PLEKHM3: variants seen among roughly 807,000 people sequenced by gnomAD.
PLEKHM3 encodes the protein pleckstrin homology domain-containing family M member 3.
In PLEKHM3, 45 loss-of-function variants were observed where a neutral mutation model predicts 81.8. The observed-to-expected ratio is 0.55, with a 90% confidence interval of 0.43 to 0.71. The LOEUF (loss-of-function observed/expected upper bound fraction) is 0.71. Ranked by LOEUF, PLEKHM3 falls within the 30% of genes least tolerant of loss-of-function variation. The probability of loss-of-function intolerance (pLI) is 0.00; values close to 1 mark genes in which losing one functional copy is unlikely to be tolerated. For missense variants in PLEKHM3, 788 were observed against 924.3 expected, an observed-to-expected ratio of 0.85 and a Z score of 1.91; for synonymous variants, 352 against 356.4, an observed-to-expected ratio of 0.99 and a Z score of 0.14.
intron 4 of PLEKHM3, among the ~76,000 whole-genome samples, chr2:207,936,546 G>A (rs956027728): frequency 6.6e-6 from 1 of 152,098 alleles, no homozygotes; most frequent in African/African-American, 2.4e-5. Context: ...GAGGCAGCAT[G>A]GATACAACAT....
chr2:207,860,719 C>A (rs966418670), intron 7 of PLEKHM3, among the ~76,000 whole-genome samples: 2 of 152,136 alleles, frequency 1.3e-5, no homozygotes, highest in African/African-American at 4.8e-5. Context: ...TAGTTTTACC[C>A]CTGGCGGTCG....
intron 6 of PLEKHM3, among the ~76,000 whole-genome samples, chr2:207,879,271 C>T (rs2092574702): frequency 6.6e-6 from 1 of 152,202 alleles, no homozygotes; most frequent in South Asian, 2.1e-4. Context: ...ATTCTTTCTC[C>T]TCTATGCGAA....
chr2:207,923,851 G>GCACACA (rs1559238663), intron 5 of PLEKHM3, among the ~76,000 whole-genome samples: 2 of 36,792 alleles, frequency 5.4e-5, no homozygotes, highest in South Asian at 1.4e-3. Flanking sequence ...ACATACACAC[G>GCACACA]CACGCACACA....
intron 1 of PLEKHM3, among the ~76,000 whole-genome samples, chr2:208,007,271 C>A (rs1349673518): frequency 2.0e-5 from 3 of 152,214 alleles, no homozygotes; most frequent in Non-Finnish European, 4.4e-5. Context: ...GCGTTCACAT[C>A]ACCTTGGTTG....
At chr2:207,941,319 TC>T (rs1042457315) in intron 4 of PLEKHM3, among the ~76,000 whole-genome samples, 3 of 151,932 alleles carry the variant, frequency 2.0e-5, no homozygotes, top group Non-Finnish European at 4.4e-5. Flanking sequence ...CAGAAATAAA[TC>T]CATGCATTTA....
At chr2:207,832,286 A>C (rs1369050518) in intron 7 of PLEKHM3, among the ~76,000 whole-genome samples, 3 of 152,214 alleles carry the variant, frequency 2.0e-5, no homozygotes, top group Non-Finnish European at 4.4e-5. Flanking sequence ...CCAAATTCCA[A>C]GAATCTATAG....
chr2:207,886,561 T>A (rs1243177919), intron 6 of PLEKHM3, among the ~76,000 whole-genome samples: 1 of 152,172 alleles, frequency 6.6e-6, no homozygotes, highest in Non-Finnish European at 1.5e-5. Flanking sequence ...GAAGCCAGTA[T>A]CCCTTGCCAT....
intron 1 of PLEKHM3, among the ~76,000 whole-genome samples, chr2:208,007,826 C>T (rs1278752103): frequency 6.6e-5 from 10 of 152,062 alleles, no homozygotes; most frequent in African/African-American, 1.9e-4. Context: ...GAGGCCAAGG[C>T]GGGTGGATCA....
At chr2:207,844,460 G>A (rs1347614429) in intron 7 of PLEKHM3, among the ~76,000 whole-genome samples, 1 of 133,682 alleles carries the variant, frequency 7.5e-6, no homozygotes, top group Non-Finnish European at 1.6e-5. Flanking sequence ...CCACCACCAC[G>A]CCCGGAGAAT....
chr2:207,987,142 G>C (rs1691752904), intron 2 of PLEKHM3, among the ~76,000 whole-genome samples: 1 of 152,176 alleles, frequency 6.6e-6, no homozygotes, highest in Non-Finnish European at 1.5e-5. Context: ...CAGCTTTCCA[G>C]ACAGCATGCT....
intron 6 of PLEKHM3, among the ~76,000 whole-genome samples, chr2:207,890,994 A>C (rs1688043945): frequency 6.6e-6 from 1 of 152,242 alleles, no homozygotes; most frequent in South Asian, 2.1e-4. Context: ...TAGTTTTCTT[A>C]TCAGTAATGT....
At chr2:207,910,536 G>A (rs1688778271) in intron 5 of PLEKHM3, among the ~76,000 whole-genome samples, 1 of 152,160 alleles carries the variant, frequency 6.6e-6, no homozygotes, top group African/African-American at 2.4e-5. Context: ...TTTGCCCAAG[G>A]TCACAGAGCT....
In PLEKHM3 at chr2:207,927,344, C is replaced by T. The variant is rs898587697; in HGVS notation, c.1886+3582G>A. On this transcript the variant is annotated intron_variant, in intron 5 of 7. Coordinates refer to ENST00000427836, the MANE Select transcript of PLEKHM3 (RefSeq NM_001080475.3). ...CAGCCTGGGCAACATGGTGAAAGCC[C>T]GTCTCTACTAAAAATACAAAAATTA... Among the ~76,000 whole-genome samples, 8 of 151,886 alleles carry T rather than the reference C, an allele frequency of 5.3e-5. No individual in the cohort carries two copies. The South Asian group carries it at 8.3e-4, about 16-fold the overall frequency.
intron 7 of PLEKHM3, among the ~76,000 whole-genome samples, chr2:207,838,392 GTAAACCAAGTTCAGC>G (rs2092332085): frequency 6.6e-6 from 1 of 152,196 alleles, no homozygotes. Flanking sequence ...CTTTTAGTTT[GTAAACCAAGTTCAGC>G]TAAATACCTT....
chr2:208,009,923 T>A (rs1384493852), intron 1 of PLEKHM3, among the ~76,000 whole-genome samples: 1 of 152,224 alleles, frequency 6.6e-6, no homozygotes, highest in Non-Finnish European at 1.5e-5. Flanking sequence ...CATTTTTTTC[T>A]TGGTAGAAAA....
intron 3 of PLEKHM3, among the ~76,000 whole-genome samples, chr2:207,947,814 C>T (rs1259303110): frequency 6.6e-6 from 1 of 152,144 alleles, no homozygotes; most frequent in African/African-American, 2.4e-5. Flanking sequence ...ATTTACTTAA[C>T]GAACTACCAA....
chr2:207,987,971 T>C (rs1481448564), intron 2 of PLEKHM3, among the ~76,000 whole-genome samples: 2 of 152,236 alleles, frequency 1.3e-5, no homozygotes, highest in Non-Finnish European at 2.9e-5. Flanking sequence ...ATATTCTCTA[T>C]TTAAATCTAG....
intron 6 of PLEKHM3, among the ~76,000 whole-genome samples, chr2:207,903,219 A>G (rs1211464066): frequency 2.6e-5 from 4 of 152,192 alleles, no homozygotes; most frequent in East Asian, 1.9e-4. Context: ...TATATTTCCT[A>G]TAAACTAGAA....
chr2:207,989,757 G>A (rs760510064), intron 2 of PLEKHM3, among the ~76,000 whole-genome samples: 16 of 152,208 alleles, frequency 1.1e-4, no homozygotes, highest in Non-Finnish European at 2.4e-4. Flanking sequence ...GATAGACAGA[G>A]GGTGGTCAGA....
Sources: gnomAD v4.1 joint callset for allele counts (sites outside exome capture counted in the v4.1 genomes callset) on GRCh38, gnomAD v4.1.1 for gene constraint, MANE v1.5 for transcripts, NCBI Gene and HGNC (gene_info 2026-07-23, HGNC 2026-07-21) for gene names.